The following LINGO2 variants were observed in gnomAD, a reference collection of about 807,000 sequenced individuals.
The protein encoded by LINGO2 is leucine rich repeat and Ig domain containing 2, also known as leucine-rich repeat and immunoglobulin-like domain-containing nogo receptor-interacting protein 2.
Under a neutral mutation model 30.6 loss-of-function variants are expected in LINGO2, and 14 were observed. The observed-to-expected ratio is 0.46, with a 90% CI of 0.30 to 0.72. The LOEUF (loss-of-function observed/expected upper bound fraction) is 0.72, where lower values mean the gene tolerates loss of function less well. Among genes scored for constraint, LINGO2 ranks in the 30% least tolerant of loss-of-function variants. The pLI, the probability that LINGO2 is intolerant of heterozygous loss-of-function variation, is 0.07. For missense variants in LINGO2, 729 were observed against 751.7 expected, an observed-to-expected ratio of 0.97 and a Z score of 0.35; for synonymous variants, 317 against 288.5, an observed-to-expected ratio of 1.10 and a Z score of -1.00.
chr9:28,837,219 C>A, the LINGO2 span, among the ~76,000 whole-genome samples: 3 of 152,132 alleles, frequency 2.0e-5, no homozygotes, highest in Non-Finnish European at 4.4e-5. Context: ...GTGCACAGAA[C>A]ATCCATTCTT....
intron 4 of LINGO2, among the ~76,000 whole-genome samples, chr9:28,231,789 A>G (rs1043559262): frequency 2.0e-5 from 3 of 152,144 alleles, no homozygotes; most frequent in African/African-American, 7.2e-5. Flanking sequence ...GACCATCAAC[A>G]CACTCAGTTT....
At chr9:28,187,929 C>T (rs1197056869) in intron 4 of LINGO2, among the ~76,000 whole-genome samples, 3 of 151,576 alleles carry the variant, frequency 2.0e-5, no homozygotes, top group African/African-American at 7.3e-5. Flanking sequence ...CCTTTTAATT[C>T]CAAACTATGA....
chr9:28,769,657 G>A, the LINGO2 span, among the ~76,000 whole-genome samples: 1 of 142,852 alleles, frequency 7.0e-6, no homozygotes, highest in Non-Finnish European at 1.5e-5. Context: ...CTTTAAATAT[G>A]TGTTCTTGGT....
At chr9:29,012,448 A>C in the LINGO2 span, among the ~76,000 whole-genome samples, 1 of 152,174 alleles carries the variant, frequency 6.6e-6, no homozygotes, top group Admixed American at 6.5e-5. Context: ...TGTAAAACCA[A>C]ATTTTCAACA....
the LINGO2 span, among the ~76,000 whole-genome samples, chr9:28,940,787 CTCT>C: frequency 6.6e-6 from 1 of 152,098 alleles, no homozygotes; most frequent in Non-Finnish European, 1.5e-5. Context: ...TAATAGGCAG[CTCT>C]TATGCAGCCT....
intron 4 of LINGO2, among the ~76,000 whole-genome samples, chr9:28,260,771 A>T: frequency 6.6e-6 from 1 of 152,122 alleles, no homozygotes; most frequent in African/African-American, 2.4e-5. Context: ...CTGAAAATAA[A>T]TAATGCCTTA....
intron 1 of LINGO2, among the ~76,000 whole-genome samples, chr9:28,630,900 A>G (rs1412032726): frequency 1.3e-5 from 2 of 151,950 alleles, no homozygotes; most frequent in Non-Finnish European, 2.9e-5. Context: ...AGAAAAAAAA[A>G]AAAGTAGCCC....
chr9:28,285,403 T>TC (rs1823471163), intron 4 of LINGO2, among the ~76,000 whole-genome samples: 2 of 131,710 alleles, frequency 1.5e-5, no homozygotes, highest in Admixed American at 1.5e-4. Flanking sequence ...AGATCATTTT[T>TC]TTTTTTTTTT....
At chr9:28,517,204 T>C (rs998740098) in intron 1 of LINGO2, among the ~76,000 whole-genome samples, 1 of 152,200 alleles carries the variant, frequency 6.6e-6, no homozygotes, top group Non-Finnish European at 1.5e-5. Context: ...GTGGTGTGAC[T>C]TAATCCTCCT....
At chr9:28,034,891 T>C (rs906773909) in intron 4 of LINGO2, among the ~76,000 whole-genome samples, 2 of 152,220 alleles carry the variant, frequency 1.3e-5, no homozygotes, top group African/African-American at 4.8e-5. Context: ...GTAGATCAGT[T>C]AGCAATTGCT....
chr9:28,232,645 A>G (rs753512611), intron 4 of LINGO2, among the ~76,000 whole-genome samples: 1 of 151,942 alleles, frequency 6.6e-6, no homozygotes, highest in Non-Finnish European at 1.5e-5. Flanking sequence ...TCTCTTAACA[A>G]TTTTCAAGTA....
At position 28,435,035 on chromosome 9, in the gene LINGO2, T is replaced by A. The variant is rs888225999; in HGVS notation, c.-279+40905A>T. Among the ~76,000 whole-genome samples, 6 of 152,154 alleles carry A rather than the reference T, an allele frequency of 3.9e-5. No homozygotes were observed. The South Asian group carries it at 1.2e-3, about 32-fold the overall frequency. On this transcript the variant is annotated intron_variant, in intron 2 of 5. Coordinates refer to ENST00000379992, the Ensembl canonical transcript of LINGO2. ...AAAAATTCCCTGTGAAAAGACCCAC[T>A]TTTTTTCTCTTTAGCAGAGTTAACT... is the stretch of plus-strand genomic sequence containing the variant.
At chr9:28,331,084 T>C (rs1825402207) in intron 3 of LINGO2, among the ~76,000 whole-genome samples, 1 of 151,978 alleles carries the variant, frequency 6.6e-6, no homozygotes, top group African/African-American at 2.4e-5. Flanking sequence ...AGTAATCTAA[T>C]AATTTCATAA....
In LINGO2 at chr9:27,956,371, A is replaced by G. The variant is rs914695545; in HGVS notation, c.-35-5665T>C. Among the ~76,000 whole-genome samples, 4 of 152,208 alleles carry G rather than the reference A, an allele frequency of 2.6e-5. No homozygotes were observed. In the East Asian group the frequency reaches 7.7e-4, roughly 29 times the overall value. On this transcript the variant is annotated intron_variant, in intron 5 of 5. Coordinates refer to ENST00000379992, the Ensembl canonical transcript of LINGO2. ...TTAGGTAGATTCTTTGGTATATTTT[A>G]TGTTCAACATTTTTCTCACTTTTAA...
intron 4 of LINGO2, among the ~76,000 whole-genome samples, chr9:28,027,099 A>G (rs145344840): frequency 7.9e-4 from 121 of 152,322 alleles, no homozygotes; most frequent in Non-Finnish European, 1.6e-3. Context: ...ATACATTACT[A>G]AACAGATGAA....
At chr9:28,730,556 A>G in the LINGO2 span, among the ~76,000 whole-genome samples, 1 of 152,210 alleles carries the variant, frequency 6.6e-6, no homozygotes, top group Non-Finnish European at 1.5e-5. Flanking sequence ...GCACATATCC[A>G]ATAAAGGACT....
Position 28,449,072 on chromosome 9 carries a change from T to TGA in LINGO2, c.-279+26867_-279+26868insTC, listed in dbSNP as rs1278444088. ...GTGTGTGTGTGTGTGTGTGTGTGTG[T>TGA]GTTGGGAAGGTAGATTTTATTTGGT... On this transcript the variant is annotated intron_variant, in intron 2 of 5. Coordinates refer to ENST00000379992, the Ensembl canonical transcript of LINGO2. Among the ~76,000 whole-genome samples, 3 of 147,386 alleles carry TGA rather than the reference T, an allele frequency of 2.0e-5. No homozygotes were observed. The East Asian group carries it at 5.9e-4, about 29-fold the overall frequency.
In LINGO2 at chr9:28,005,354, A is replaced by G. The variant is rs532770383; in HGVS notation, c.-36+7001T>C. Among the ~76,000 whole-genome samples, 6 of 152,300 alleles carry G rather than the reference A, an allele frequency of 3.9e-5. No homozygotes were observed. In the East Asian group the frequency reaches 1.2e-3, roughly 29 times the overall value. On this transcript the variant is annotated intron_variant, in intron 5 of 5. Coordinates refer to ENST00000379992, the Ensembl canonical transcript of LINGO2. Reference sequence around the variant, plus strand: ...TTAACTGCTCTGGTGAGGATATCATATGTGATTCCCAACTTCTCTGAGATG... The same window carrying G: ...TTAACTGCTCTGGTGAGGATATCATGTGTGATTCCCAACTTCTCTGAGATG...
chr9:29,057,755 C>T, the LINGO2 span, among the ~76,000 whole-genome samples: 1 of 152,066 alleles, frequency 6.6e-6, no homozygotes, highest in Non-Finnish European at 1.5e-5. Context: ...GGATCGAAAG[C>T]AACTACCACA....
Sources: gnomAD v4.1 joint callset for allele counts (sites outside exome capture counted in the v4.1 genomes callset) on GRCh38, gnomAD v4.1.1 for gene constraint, MANE v1.5 for transcripts, NCBI Gene and HGNC (gene_info 2026-07-23, HGNC 2026-07-21) for gene names.